EVC: variants seen among roughly 807,000 people sequenced by gnomAD.
EVC encodes the protein evC complex member EVC.
In EVC, 116 loss-of-function variants were observed where a neutral mutation model predicts 118.9. The observed-to-expected ratio is 0.98, with a 90% CI of 0.84 to 1.14. EVC has a LOEUF of 1.14. Ranked by LOEUF, EVC falls within the 50% of genes most tolerant of loss-of-function variation. The pLI is 0.00. For missense variants in EVC, 1,401 were observed against 1,246.4 expected (o/e 1.12, Z -1.87); for synonymous variants, 619 against 534.7 (o/e 1.16, Z -2.18).
Position 5,746,331 on chromosome 4 carries a change from A to C in EVC, c.939+990A>C, listed in dbSNP as rs1729344854. Among the ~76,000 whole-genome samples the C allele has an allele frequency of 6.6e-6, 1 of 151,332 alleles. No individual in the cohort carries two copies. Among genetic ancestry groups the C allele is most frequent in the Non-Finnish European group, 1.5e-5 (1 of 67,804 alleles). On this transcript the variant is annotated intron_variant, in intron 7 of 20. Transcript: ENST00000264956. The surrounding 1 kb of genome is among the most constrained non-coding windows in gnomAD (Gnocchi z 5.8). ...GGAACTTTATTAAGGCAACTGCAGT[A>C]GGATGGAGAGGTGAGGAAACGTGTG...
chr4:5,802,509 A>T (rs184826557), intron 16 of EVC, among the ~76,000 whole-genome samples: 1 of 152,216 alleles, frequency 6.6e-6, no homozygotes, highest in Non-Finnish European at 1.5e-5. Context: ...TTTCATTTCT[A>T]TTATTATTAC....
At chr4:5,752,619 G>A in intron 8 of EVC, 2 of 623,758 alleles carry the variant, frequency 3.2e-6, no homozygotes, top group Non-Finnish European at 2.9e-6. Context: ...AGCTGCGTCA[G>A]CCTCCCCGCA....
In EVC at chr4:5,719,874, T is replaced by C. The variant is rs778781216; in HGVS notation, c.300+501T>C. On this transcript the variant is annotated intron_variant, in intron 2 of 20. Coordinates refer to ENST00000264956, the MANE Select transcript of EVC (RefSeq NM_153717.3). This position sits in a 1 kb window ranked among gnomAD's most constrained non-coding sequence, Gnocchi z 4.7. ...CCACACTTTGTTGATTGCTCACTGT[T>C]TGTGTGTATTTCATTGGCAGACCGG... is the stretch of plus-strand genomic sequence containing the variant. Among the ~76,000 whole-genome samples the C allele has an allele frequency of 2.6e-5, 4 of 152,218 alleles. No individual in the cohort carries two copies. The highest frequency in any genetic ancestry group is 9.6e-5 in the African/African-American group (4 of 41,460).
At chr4:5,747,530 A>G (rs1231070749) in intron 7 of EVC, among the ~76,000 whole-genome samples, 1 of 152,202 alleles carries the variant, frequency 6.6e-6, no homozygotes, top group Non-Finnish European at 1.5e-5. Context: ...CATGAGGGAA[A>G]GTTGCTCCGA....
intron 8 of EVC, among the ~76,000 whole-genome samples, chr4:5,751,503 C>T (rs1730361418): frequency 6.6e-6 from 1 of 152,234 alleles, no homozygotes; most frequent in Non-Finnish European, 1.5e-5. Flanking sequence ...GGTTCACGGG[C>T]TGCTGGAATG....
the EVC span, among the ~76,000 whole-genome samples, chr4:5,822,042 C>T: frequency 1.4e-5 from 2 of 141,208 alleles, no homozygotes; most frequent in Non-Finnish European, 3.1e-5. Flanking sequence ...CCCCTCAGTC[C>T]CTGGGCTCCC....
At position 5,793,661 on chromosome 4, in the gene EVC, G is replaced by A. The variant is rs1485046285; in HGVS notation, c.1830G>A (p.Glu610=). ...LSSVLQTHLR[E]DHEGTIRGVL... The stretch of plus-strand genomic sequence containing the variant: ...GCGTGCTGCAGACACACCTGCGGGA[G>A]GACCACGAGGGCACCATCCGCGGCG... The change falls in exon 13 of 21, where the codon GAG becomes GAA. Residue 610 remains glutamate (E), a synonymous_variant. Transcript: ENST00000264956. 6 of 1,552,962 alleles carry A rather than the reference G, an allele frequency of 3.9e-6. No individual in the cohort carries two copies. The highest frequency in any genetic ancestry group is 5.2e-6 in the Non-Finnish European group (6 of 1,148,020).
chr4:5,761,136 CTG>C (rs1421274852), intron 11 of EVC, among the ~76,000 whole-genome samples: 7 of 152,254 alleles, frequency 4.6e-5, no homozygotes, highest in South Asian at 4.1e-4. Context: ...GTTTCCTTCT[CTG>C]TGCAATGGAG....
At chr4:5,790,207 C>A (rs1712515179) in intron 12 of EVC, among the ~76,000 whole-genome samples, 1 of 130,568 alleles carries the variant, frequency 7.7e-6, no homozygotes, top group African/African-American at 2.8e-5. Flanking sequence ...ACAACGATGA[C>A]TGTGCAGAAT....
At chr4:5,787,743 G>T (rs575807493) in intron 12 of EVC, among the ~76,000 whole-genome samples, 1 of 152,298 alleles carries the variant, frequency 6.6e-6, no homozygotes, top group Non-Finnish European at 1.5e-5. Context: ...GCACTCCTTA[G>T]CATAACAGTA....
At chr4:5,821,809 C>T in the EVC span, 1 of 1,611,078 alleles carries the variant, frequency 6.2e-7, no homozygotes, top group Non-Finnish European at 8.5e-7. The surrounding 1 kb of genome is among the most constrained non-coding windows in gnomAD (Gnocchi z 4.4). Context: ...CGCCACGATG[C>T]GGTGGCCGGT....
At chr4:5,779,218 G>T (rs1159226106) in intron 11 of EVC, among the ~76,000 whole-genome samples, 1 of 152,016 alleles carries the variant, frequency 6.6e-6, no homozygotes, top group Admixed American at 6.6e-5. Context: ...TTTGGTACCA[G>T]TACCATGCTG....
At chr4:5,776,821 G>C (rs1197213722) in intron 11 of EVC, among the ~76,000 whole-genome samples, 1 of 151,984 alleles carries the variant, frequency 6.6e-6, no homozygotes, top group African/African-American at 2.4e-5. Flanking sequence ...TTCAATTCTA[G>C]ACAATATTTT....
In EVC at chr4:5,814,168, C is replaced by T. The variant is rs1233851661; in HGVS notation, c.*3131C>T. The T allele has an allele frequency of 1.3e-5, 2 of 152,346 alleles. No homozygotes were observed. The highest frequency in any genetic ancestry group is 2.9e-5 in the Non-Finnish European group (2 of 68,102). The allele number at this position is 152,346 out of a possible 1,614,324, so 9.4% of individuals were successfully genotyped here. ...AGCCCCAGGATGCCTCGCAGGTACC[C>T]TGCCTCCATTTTGGTTACCATCCCC... On this transcript the variant is annotated 3_prime_UTR_variant, in exon 21 of 21. Transcript: ENST00000264956.
At chr4:5,760,241 A>C (rs1214443046) in intron 11 of EVC, among the ~76,000 whole-genome samples, 1 of 152,072 alleles carries the variant, frequency 6.6e-6, no homozygotes. Flanking sequence ...GGCCAGCCCC[A>C]GCGGGTGCTG....
intron 6 of EVC, among the ~76,000 whole-genome samples, chr4:5,744,081 A>G (rs1206239696): frequency 1.3e-5 from 2 of 152,242 alleles, no homozygotes; most frequent in African/African-American, 2.4e-5. Flanking sequence ...GAGATAGGCT[A>G]GCCAAGTGAT....
At chr4:5,775,365 A>AC (rs34287837) in intron 11 of EVC, among the ~76,000 whole-genome samples, 2 of 151,946 alleles carry the variant, frequency 1.3e-5, no homozygotes, top group Non-Finnish European at 2.9e-5. Flanking sequence ...ACCCCAGAAC[A>AC]CCCCCAATGC....
At chr4:5,820,487 C>T in the EVC span, among the ~76,000 whole-genome samples, 1 of 152,256 alleles carries the variant, frequency 6.6e-6, no homozygotes, top group East Asian at 1.9e-4. Context: ...CCATACAATA[C>T]AAGAAGAAAG....
At chr4:5,724,910 C>G (rs1042164604) in intron 2 of EVC, among the ~76,000 whole-genome samples, 2 of 151,878 alleles carry the variant, frequency 1.3e-5, no homozygotes, top group Non-Finnish European at 2.9e-5. Flanking sequence ...GTGTGTTGTT[C>G]CCCCAACCCA....
Sources: allele counts gnomAD v4.1 joint callset (sites outside exome capture counted in the v4.1 genomes callset), GRCh38; gene constraint gnomAD v4.1.1; non-coding constraint Gnocchi (gnomAD v3.1); transcripts MANE v1.5; gene names NCBI Gene and HGNC (gene_info 2026-07-23, HGNC 2026-07-21).